The following ZNF423 variants were observed in gnomAD, a reference collection of about 807,000 sequenced individuals.
ZNF423 encodes zinc finger protein 423.
A neutral mutation model predicts 95.8 loss-of-function variants in ZNF423; 12 were observed. That is an observed-to-expected ratio of 0.13 (90% CI 0.08 to 0.20). The LOEUF is 0.20. ZNF423 is among the 10% of genes least tolerant of loss of function. The probability of loss-of-function intolerance (pLI) is 1.00; values close to 1 mark genes in which losing one functional copy is unlikely to be tolerated. For synonymous variants in ZNF423, 749 were observed against 711.9 expected (o/e 1.05, Z -0.83); for missense variants, 1,316 against 1,737.1 (o/e 0.76, Z 4.31).
Position 49,691,094 on chromosome 16 carries a change from G to T in ZNF423, c.301+39677C>A, listed in dbSNP as rs532667911. 2.4e-3 allele frequency among the ~76,000 whole-genome samples: 365 copies of T among 152,374 alleles called. 1 individual carries two copies. The highest frequency in any genetic ancestry group is 8.2e-3 in the African/African-American group (343 of 41,602). The stretch of plus-strand genomic sequence containing the variant: ...GGGCTGAGCGGCCCTTAGTGGGGAA[G>T]AATCAGCCGACCAGGGCAGAGGGCC... On this transcript the variant is annotated intron_variant, in intron 3 of 7. Coordinates refer to ENST00000563137, the MANE Select transcript of ZNF423 (RefSeq NM_001379286.1).
At chr16:49,632,288 G>A (rs1000483745) in intron 4 of ZNF423, among the ~76,000 whole-genome samples, 11 of 152,228 alleles carry the variant, frequency 7.2e-5, no homozygotes, top group Middle Eastern at 3.4e-3. Context: ...ATACACTCCC[G>A]AGGGTCCCAG....
intron 5 of ZNF423, among the ~76,000 whole-genome samples, chr16:49,622,177 T>C (rs1039609248): frequency 1.3e-5 from 2 of 152,180 alleles, no homozygotes; most frequent in African/African-American, 4.8e-5. Context: ...CAGGTGGGAA[T>C]GATGATTGCG....
chr16:49,533,951 A>G (rs1192756970), intron 5 of ZNF423, among the ~76,000 whole-genome samples: 4 of 152,130 alleles, frequency 2.6e-5, no homozygotes, highest in Non-Finnish European at 5.9e-5. Context: ...TGACCCCAGG[A>G]GCTTGAGACC....
At position 49,855,535 on chromosome 16, in the gene ZNF423, G is replaced by GCCTCCGCCT. The variant is rs2035355304; in HGVS notation, c.40+191_40+199dup. On this transcript the variant is annotated intron_variant, in intron 1 of 7. Coordinates refer to ENST00000563137, the MANE Select transcript of ZNF423 (RefSeq NM_001379286.1). The surrounding 1 kb of genome is among the most constrained non-coding windows in gnomAD (Gnocchi z 4.7). ...CTCCGCCGCCGCCGCCGCCGCCGCC[G>GCCTCCGCCT]CCTCCGCCTCCTGCTCCCGGCTTCC... 7.1e-6 allele frequency among the ~76,000 whole-genome samples: 1 copy of GCCTCCGCCT among 140,838 alleles called. No individual in the cohort carries two copies. Among genetic ancestry groups the GCCTCCGCCT allele is most frequent in the Non-Finnish European group, 1.6e-5 (1 of 64,502 alleles). The allele number at this position is 140,838 out of a possible 152,430, so 92.4% of individuals were successfully genotyped here. A position where few individuals can be genotyped will look rare whatever the true frequency, so the allele number is the denominator to read the frequency against.
chr16:49,511,804 G>A (rs78802807), intron 7 of ZNF423, among the ~76,000 whole-genome samples: 2,780 of 152,236 alleles, frequency 0.018, 78 homozygotes, highest in African/African-American at 0.064. Context: ...CACCTTATTA[G>A]GTTGGGAACA....
intron 5 of ZNF423, among the ~76,000 whole-genome samples, chr16:49,538,324 C>T (rs1969125124): frequency 6.6e-6 from 1 of 152,212 alleles, no homozygotes. Context: ...AACGCCCCAC[C>T]GTACAGCTCT....
rs1178209399 is a variant in ZNF423 at position 49,664,354 on chromosome 16, GAAGAA to G, written c.302-25485_302-25481del. Reference sequence around the variant, plus strand: ...CTAGCGGGAGAGGAAGGGCCTTGGGGAAGAAAAGGGGCTGGGAAAAGGCACAGATG... The same window carrying G: ...CTAGCGGGAGAGGAAGGGCCTTGGGGAAGGGGCTGGGAAAAGGCACAGATG... On this transcript the variant is annotated intron_variant, in intron 3 of 7. Transcript: ENST00000563137. The G allele has an allele frequency of 3.2e-6, 3 of 925,890 alleles. No individual in the cohort carries two copies. The African/African-American group carries it at 5.3e-5, about 16-fold the overall frequency. 57.4% of individuals were successfully genotyped at this position (925,890 alleles called of 1,614,324 possible). A position where few individuals can be genotyped will look rare whatever the true frequency, so the allele number is the denominator to read the frequency against.
At chr16:49,576,763 C>T (rs1970513079) in intron 5 of ZNF423, among the ~76,000 whole-genome samples, 1 of 152,208 alleles carries the variant, frequency 6.6e-6, no homozygotes, top group Non-Finnish European at 1.5e-5. Context: ...TGAATTTTTT[C>T]CATTGGCACT....
chr16:49,798,806 T>C (rs2034538583), intron 1 of ZNF423, among the ~76,000 whole-genome samples: 1 of 152,302 alleles, frequency 6.6e-6, no homozygotes, highest in Admixed American at 6.5e-5. Context: ...AGACTCCTCA[T>C]AAACTGTTGC....
intron 2 of ZNF423, among the ~76,000 whole-genome samples, chr16:49,774,182 C>T (rs1420469219): frequency 6.6e-6 from 1 of 152,156 alleles, no homozygotes; most frequent in African/African-American, 2.4e-5. Context: ...GGCTGGAATC[C>T]CAGGCTGGCC....
At chr16:49,737,347 G>A (rs1208429625) in intron 2 of ZNF423, among the ~76,000 whole-genome samples, 2 of 151,832 alleles carry the variant, frequency 1.3e-5, no homozygotes, top group Admixed American at 6.6e-5. Context: ...TCAGCTCACG[G>A]CAACCTCTGT....
intron 1 of ZNF423, among the ~76,000 whole-genome samples, chr16:49,832,148 C>T (rs1277378469): frequency 2.0e-5 from 3 of 152,206 alleles, no homozygotes. Flanking sequence ...GGCATCATTC[C>T]TTAGCTAGAA....
At chr16:49,776,794 G>A (rs992927003) in intron 2 of ZNF423, among the ~76,000 whole-genome samples, 2 of 152,232 alleles carry the variant, frequency 1.3e-5, no homozygotes, top group African/African-American at 4.8e-5. Flanking sequence ...TGGAAAGAAT[G>A]TCTAGGGCCC....
At chr16:49,790,378 G>C (rs1255447284) in intron 1 of ZNF423, among the ~76,000 whole-genome samples, 2 of 152,272 alleles carry the variant, frequency 1.3e-5, no homozygotes, top group African/African-American at 4.8e-5. Flanking sequence ...CACTGAGCCA[G>C]GCACTGTGCT....
intron 2 of ZNF423, among the ~76,000 whole-genome samples, chr16:49,768,787 C>T (rs2143693374): frequency 6.6e-6 from 1 of 152,262 alleles, no homozygotes; most frequent in East Asian, 1.9e-4. Context: ...GCACCCAAAA[C>T]ACATCTTGGT....
chr16:49,515,970 G>C (rs546493902), intron 7 of ZNF423, among the ~76,000 whole-genome samples: 1 of 152,310 alleles, frequency 6.6e-6, no homozygotes, highest in South Asian at 2.1e-4. Flanking sequence ...GAGGCCTGAG[G>C]CTGGGAATGC....
At chr16:49,520,912 T>C (rs1329106889) in intron 7 of ZNF423, among the ~76,000 whole-genome samples, 1 of 152,270 alleles carries the variant, frequency 6.6e-6, no homozygotes, top group African/African-American at 2.4e-5. Context: ...AAACGGTCTA[T>C]AATTAAAATC....
chr16:49,669,500 C>T (rs2030708505), intron 3 of ZNF423, among the ~76,000 whole-genome samples: 1 of 152,200 alleles, frequency 6.6e-6, no homozygotes, highest in South Asian at 2.1e-4. Context: ...TCATCTCAGC[C>T]ATTCTTAAGC....
chr16:49,554,402 C>T (rs1050661798), intron 5 of ZNF423, among the ~76,000 whole-genome samples: 1 of 152,090 alleles, frequency 6.6e-6, no homozygotes, highest in Non-Finnish European at 1.5e-5. Context: ...TTGACCCAGG[C>T]CCCCAAATCC....
Sources: gnomAD v4.1 joint callset for allele counts (sites outside exome capture counted in the v4.1 genomes callset) on GRCh38, gnomAD v4.1.1 for gene constraint, Gnocchi (gnomAD v3.1) non-coding constraint, MANE v1.5 for transcripts, NCBI Gene and HGNC (gene_info 2026-07-23, HGNC 2026-07-21) for gene names.